Variants in ANO10 observed in about 807,000 individuals in gnomAD.
ANO10 encodes the protein anoctamin-10.
ANO10 carries 77 observed loss-of-function variants against 74.7 expected under a neutral mutation model. The observed-to-expected ratio is 1.03, with a 90% CI of 0.86 to 1.25. The LOEUF is 1.25. Ranked by LOEUF, ANO10 falls within the 50% of genes most tolerant of loss-of-function variation. The probability of loss-of-function intolerance (pLI) is 0.00; values close to 1 mark genes in which losing one functional copy is unlikely to be tolerated. For missense variants in ANO10, 721 were observed against 778.1 expected, an observed-to-expected ratio of 0.93 and a Z score of 0.87; for synonymous variants, 279 against 284.9, an observed-to-expected ratio of 0.98 and a Z score of 0.21.
chr3:43,528,013 C>T lies in ANO10; in HGVS notation c.1797+21707G>A, dbSNP rs116420684. ...AAAGCAAAAGGTAGAAATTAACAGT[C>T]CTAAAGACACAAGAACAATACTCAC... On this transcript the variant is annotated intron_variant, in intron 11 of 12. Coordinates refer to ENST00000292246, the MANE Select transcript of ANO10 (RefSeq NM_018075.5). 2.0e-3 allele frequency among the ~76,000 whole-genome samples: 310 copies of T among 152,018 alleles called. 1 individual carries two copies. The highest frequency in any genetic ancestry group is 7.2e-3 in the African/African-American group (300 of 41,468).
At chr3:43,689,564 C>G (rs1368364433) in intron 1 of ANO10, 4 of 152,198 alleles carry the variant, frequency 2.6e-5, no homozygotes, top group African/African-American at 7.2e-5. Flanking sequence ...TTAGTTATTA[C>G]TATGCCTAAG....
chr3:43,377,526 A>G (rs887795955), intron 12 of ANO10, among the ~76,000 whole-genome samples: 5 of 152,242 alleles, frequency 3.3e-5, no homozygotes, highest in Admixed American at 2.6e-4. Context: ...CACAAGCCAG[A>G]GAACCCCCTA....
chr3:43,668,335 C>T (rs1441698898), intron 1 of ANO10, among the ~76,000 whole-genome samples: 17 of 151,200 alleles, frequency 1.1e-4, no homozygotes, highest in African/African-American at 3.6e-4. Context: ...ATTAGTTCTT[C>T]GTTAGATGCA....
chr3:43,438,325 T>C (rs770535049), intron 11 of ANO10, among the ~76,000 whole-genome samples: 4 of 152,076 alleles, frequency 2.6e-5, no homozygotes, highest in Non-Finnish European at 4.4e-5. Flanking sequence ...ATGCCTGATG[T>C]CCCAGCTACT....
chr3:43,448,362 C>G (rs1043026851), intron 11 of ANO10, among the ~76,000 whole-genome samples: 2 of 152,190 alleles, frequency 1.3e-5, no homozygotes, highest in African/African-American at 2.4e-5. Context: ...TTCCCTCCCC[C>G]TCAACTCCCA....
At chr3:43,528,207 G>GAAA (rs35735692) in intron 11 of ANO10, among the ~76,000 whole-genome samples, 4 of 146,526 alleles carry the variant, frequency 2.7e-5, no homozygotes, top group Non-Finnish European at 3.0e-5. Flanking sequence ...TGAAAAAAAC[G>GAAA]AAAAAAAAAA....
Position 43,576,934 on chromosome 3 carries a change from C to G in ANO10, c.920G>C (p.Ser307Thr), listed in dbSNP as rs770904407. The change falls in exon 6 of 13, where the codon AGC (serine) becomes ACC (threonine). Residue 307 changes from serine to threonine, a missense_variant. Transcript: ENST00000292246. ...ITGKEEPLYP[S>T]YKRQLRIYLV... ...GTAAATGCGCAACTGTCTCTTGTAG[C>G]TGGGGTACAGAGGCTCCTCCTTCCC... The G allele has an allele frequency of 2.2e-5, 35 of 1,614,044 alleles. No homozygotes were observed. The South Asian group carries it at 3.6e-4, about 17-fold the overall frequency.
Position 43,498,410 on chromosome 3 carries a change from G to T in ANO10, c.1797+51310C>A, listed in dbSNP as rs140567355. Among the ~76,000 whole-genome samples, 33 of 152,356 alleles carry T rather than the reference G, an allele frequency of 2.2e-4. 1 individual carries two copies. The highest frequency in any genetic ancestry group is 7.2e-4 in the African/African-American group (30 of 41,574). ...AAGAACTGTGTAGTAGGGCAGATGTGACCTAACCTGGGAGGACAATCCCTG... is the reference window on the plus strand; with the variant it reads ...AAGAACTGTGTAGTAGGGCAGATGTTACCTAACCTGGGAGGACAATCCCTG... On this transcript the variant is annotated intron_variant, in intron 11 of 12. Coordinates refer to ENST00000292246, the MANE Select transcript of ANO10 (RefSeq NM_018075.5).
At chr3:43,623,325 T>A (rs2083459066), upstream of ANO10, among the ~76,000 whole-genome samples, 1 of 152,216 alleles carries the variant, frequency 6.6e-6, no homozygotes, top group Non-Finnish European at 1.5e-5. Flanking sequence ...TTGTTGTTAA[T>A]CCCTTACTGT....
At chr3:43,566,590 C>T (rs954054120) in intron 7 of ANO10, among the ~76,000 whole-genome samples, 13 of 152,300 alleles carry the variant, frequency 8.5e-5, no homozygotes, top group Non-Finnish European at 1.5e-4. Context: ...ACACCTCACA[C>T]GGCAGGGTAT....
intron 1 of ANO10, among the ~76,000 whole-genome samples, chr3:43,640,186 C>T (rs946678804): frequency 2.0e-5 from 3 of 152,168 alleles, no homozygotes; most frequent in South Asian, 4.1e-4. Context: ...CACAAGACCT[C>T]TCATTGCTGG....
rs1015830021 is a variant in ANO10, at chr3:43,537,611, C to CA, written c.1797+12108_1797+12109insT. 2.1e-5 allele frequency among the ~76,000 whole-genome samples: 3 copies of CA among 139,958 alleles called. No individual in the cohort carries two copies. In the East Asian group the frequency reaches 6.4e-4, roughly 30 times the overall value. The allele number at this position is 139,958 out of a possible 152,430, so 91.8% of individuals were successfully genotyped here. On this transcript the variant is annotated intron_variant, in intron 11 of 12. Transcript: ENST00000292246. ...GCTCAGAGCAGGCATACTTTATAAA[C>CA]CACACACACACACACACACACACAC...
At position 43,561,211 on chromosome 3, in the gene ANO10, C is replaced by G. The variant is rs1460763908; in HGVS notation, c.1476+9G>C. The G allele has an allele frequency of 1.1e-5, 17 of 1,613,452 alleles. No individual in the cohort carries two copies. Among genetic ancestry groups the G allele is most frequent in the Non-Finnish European group, 1.4e-5 (17 of 1,179,520 alleles). ...AGTAAATGTTTAATTCAGCAATATT[C>G]CAACTTACCAAATAAGTTCCCATTT... is the stretch of plus-strand genomic sequence containing the variant. On this transcript the variant is annotated intron_variant, in intron 9 of 12. Transcript: ENST00000292246.
chr3:43,384,000 G>T (rs1191981566), intron 12 of ANO10, among the ~76,000 whole-genome samples: 1 of 152,084 alleles, frequency 6.6e-6, no homozygotes, highest in African/African-American at 2.4e-5. Context: ...CTGATGACAC[G>T]ATCATATACC....
chr3:43,599,614 T>C (rs1034868732), intron 3 of ANO10, among the ~76,000 whole-genome samples: 8 of 152,126 alleles, frequency 5.3e-5, no homozygotes, highest in African/African-American at 1.7e-4. Context: ...AGTTAGAAAA[T>C]ATAATACTTG....
At chr3:43,432,579 A>T in intron 12 of ANO10, 32 bp downstream of exon 12, 1 of 1,474,734 alleles carries the variant, frequency 6.8e-7, no homozygotes, top group Non-Finnish European at 9.5e-7. Flanking sequence ...TTGCTAAAGC[A>T]ATACATACAT....
At chr3:43,456,098 G>A (rs1165032892) in intron 11 of ANO10, among the ~76,000 whole-genome samples, 1 of 151,978 alleles carries the variant, frequency 6.6e-6, no homozygotes, top group Non-Finnish European at 1.5e-5. Context: ...AAATAACTTG[G>A]GCTGGCTCCC....
intron 1 of ANO10, among the ~76,000 whole-genome samples, chr3:43,655,484 G>C (rs528271088): frequency 6.6e-6 from 1 of 152,338 alleles, no homozygotes; most frequent in South Asian, 2.1e-4. Flanking sequence ...CAGTGTGGGA[G>C]GGGACCCAAG....
intron 12 of ANO10, among the ~76,000 whole-genome samples, chr3:43,408,888 TG>T (rs1233144909): frequency 6.6e-6 from 1 of 151,868 alleles, no homozygotes; most frequent in Non-Finnish European, 1.5e-5. Flanking sequence ...AAGATTAGCC[TG>T]GGTGTGGTGG....
Sources: gnomAD v4.1 joint callset for allele counts (sites outside exome capture counted in the v4.1 genomes callset) on GRCh38, gnomAD v4.1.1 for gene constraint, MANE v1.5 for transcripts, NCBI Gene and HGNC (gene_info 2026-07-23, HGNC 2026-07-21) for gene names.